Variants in CERS4 observed in about 807,000 individuals in gnomAD.
CERS4 encodes ceramide synthase 4, also known as LAG1 homolog, ceramide synthase 4.
Under a neutral mutation model 51.8 loss-of-function variants are expected in CERS4, and 65 were observed. The ratio of observed to expected loss-of-function variants is 1.26; its 90% CI spans 1.03 to 1.54. CERS4 has a LOEUF of 1.54. Among genes scored for constraint, CERS4 ranks in the 40% most tolerant of loss-of-function variants. The probability of loss-of-function intolerance (pLI) is 0.00; values close to 1 mark genes in which losing one functional copy is unlikely to be tolerated. For synonymous variants in CERS4, 228 were observed against 208.4 expected (o/e 1.09, Z -0.81); for missense variants, 563 against 500.4 (o/e 1.13, Z -1.19).
chr19:8,256,844 C>T (rs946410777), intron 8 of CERS4, 105 bp from the exon 9 acceptor site: 1 of 1,592,226 alleles, frequency 6.3e-7, no homozygotes, highest in African/African-American at 1.3e-5. Flanking sequence ...GCCATGGGCC[C>T]AGAGGCCACA....
Position 8,256,298 on chromosome 19 carries a change from AGTGT to A in CERS4, c.519+18_519+21del. 6.2e-7 allele frequency: 1 copy of A among 1,611,532 alleles called. No homozygotes were observed. Among genetic ancestry groups the A allele is most frequent in the Non-Finnish European group, 8.5e-7 (1 of 1,178,794 alleles). On this transcript the variant is annotated intron_variant, in intron 7 of 11. Coordinates refer to ENST00000251363, the MANE Select transcript of CERS4 (RefSeq NM_024552.3). ...GGTACCCAAACCAGGTGAGTGGCAG[AGTGT>A]GTGTGAATGCTTGGAGGGTGAGGGC...
At chr19:8,219,547 T>C (rs1238429370) in intron 2 of CERS4, among the ~76,000 whole-genome samples, 1 of 152,158 alleles carries the variant, frequency 6.6e-6, no homozygotes, top group Non-Finnish European at 1.5e-5. Flanking sequence ...CTGGGCACAG[T>C]GGCTTATGCC....
intron 2 of CERS4, among the ~76,000 whole-genome samples, chr19:8,211,617 C>T (rs1462029218): frequency 2.0e-5 from 3 of 152,124 alleles, no homozygotes; most frequent in Non-Finnish European, 2.9e-5. Context: ...AGGGGCTGGG[C>T]GTGGTGGCTC....
At chr19:8,245,117 A>ACAAAACAAAACAAAC (rs1260338046) in intron 2 of CERS4, among the ~76,000 whole-genome samples, 16,983 of 143,076 alleles carry the variant, frequency 0.12, 1,482 homozygotes, top group Non-Finnish European at 0.16. Flanking sequence ...ATCTCAAAAA[A>ACAAAACAAAACAAAC]AAAAAAAAAA....
intron 2 of CERS4, among the ~76,000 whole-genome samples, chr19:8,220,438 G>A (rs886859866): frequency 3.9e-5 from 6 of 152,228 alleles, no homozygotes; most frequent in Admixed American, 3.9e-4. Flanking sequence ...CTGAGCAGCT[G>A]GGATTACAGG....
chr19:8,255,065 T>A (rs1279707662), intron 4 of CERS4, among the ~76,000 whole-genome samples: 1 of 152,092 alleles, frequency 6.6e-6, no homozygotes, highest in Non-Finnish European at 1.5e-5. Context: ...CCTGTGACCC[T>A]CCCTCCATTC....
rs918186126 is a variant in CERS4 at position 8,262,082 on chromosome 19, G to A, written c.1158G>A (p.Leu386=). The A allele has an allele frequency of 1.3e-6, 2 of 1,514,072 alleles. No individual in the cohort carries two copies. Among genetic ancestry groups the A allele is most frequent in the African/African-American group, 1.4e-5 (1 of 71,644 alleles). The allele number at this position is 1,514,072 out of a possible 1,614,324, so 93.8% of individuals were successfully genotyped here. ...DGPRSRVAGR[L]TNRHTTAT ...CTCGGAGCCGGGTGGCCGGGCGTCT[G>A]ACCAACAGGCACACAACAGCCACAT... is the stretch of plus-strand genomic sequence containing the variant. Residue 386 remains leucine (L), a synonymous_variant, in exon 12 of 12, where the codon CTG becomes CTA. Coordinates refer to ENST00000251363, the MANE Select transcript of CERS4 (RefSeq NM_024552.3).
chr19:8,221,739 T>C (rs1408610317), intron 2 of CERS4, among the ~76,000 whole-genome samples: 2 of 151,408 alleles, frequency 1.3e-5, no homozygotes, highest in African/African-American at 4.9e-5. Flanking sequence ...TTCACCATGC[T>C]GAGGTCGAAC....
Position 8,262,057 on chromosome 19 carries a change from C to T in CERS4, c.1133C>T (p.Pro378Leu), listed in dbSNP as rs1969737583. The T allele has an allele frequency of 1.3e-6, 2 of 1,538,004 alleles. No homozygotes were observed. Among genetic ancestry groups the T allele is most frequent in the Non-Finnish European group, 1.7e-6 (2 of 1,146,102 alleles). The change falls in exon 12 of 12, where the codon CCT (proline) becomes CTT (leucine). Residue 378 changes from proline (P) to leucine (L), a missense_variant. Physicochemically the swap from Pro to Leu is moderately conservative, Grantham distance 98. Coordinates refer to ENST00000251363, the MANE Select transcript of CERS4 (RefSeq NM_024552.3). ...CCCAGGCCAGCCCCCACTGATGGCCCTCGGAGCCGGGTGGCCGGGCGTCTG... is the reference window on the plus strand; with the variant it reads ...CCCAGGCCAGCCCCCACTGATGGCCTTCGGAGCCGGGTGGCCGGGCGTCTG... Reference protein sequence around the residue: ...GGPRPAPTDGPRSRVAGRLTN... With the variant: ...GGPRPAPTDGLRSRVAGRLTN...
intron 2 of CERS4, among the ~76,000 whole-genome samples, chr19:8,240,783 C>G (rs927536320): frequency 1.3e-5 from 2 of 152,120 alleles, no homozygotes; most frequent in African/African-American, 4.8e-5. Flanking sequence ...TCGGGGAAGC[C>G]GTGGGAACCA....
At chr19:8,238,170 G>A (rs2145234438) in intron 2 of CERS4, among the ~76,000 whole-genome samples, 1 of 152,070 alleles carries the variant, frequency 6.6e-6, no homozygotes, top group South Asian at 2.1e-4. Context: ...GGGATGCTGG[G>A]GGCCCCTGGA....
intron 9 of CERS4, among the ~76,000 whole-genome samples, chr19:8,257,440 ATT>A (rs34718857): frequency 3.3e-5 from 5 of 150,638 alleles, no homozygotes; most frequent in African/African-American, 7.3e-5. Context: ...ATGTATTCAC[ATT>A]TTTTTTTTTG....
chr19:8,255,094 C>A (rs1048938610), intron 4 of CERS4, among the ~76,000 whole-genome samples: 2 of 152,148 alleles, frequency 1.3e-5, no homozygotes, highest in African/African-American at 4.8e-5. Flanking sequence ...GGTGTGGCTG[C>A]CCGCTGGACA....
chr19:8,216,107 C>A (rs141828554), intron 2 of CERS4, among the ~76,000 whole-genome samples: 2 of 152,036 alleles, frequency 1.3e-5, no homozygotes, highest in Admixed American at 6.6e-5. Flanking sequence ...TGCCAGGCAC[C>A]GTGGCTCACA....
At position 8,241,690 on chromosome 19, in the gene CERS4, A is replaced by G. The variant is rs113108566; in HGVS notation, c.-1-9386A>G. Among the ~76,000 whole-genome samples, 9 of 152,286 alleles carry G rather than the reference A, an allele frequency of 5.9e-5. 1 individual carries two copies. Among genetic ancestry groups the G allele is most frequent in the African/African-American group, 2.2e-4 (9 of 41,550 alleles). ...CTATTGTTTGTTCCATTTTACAGATAAAACTGAGGCACAGATAGGCCACGT... is the reference window on the plus strand; with the variant it reads ...CTATTGTTTGTTCCATTTTACAGATGAAACTGAGGCACAGATAGGCCACGT... On this transcript the variant is annotated intron_variant, in intron 2 of 11. Transcript: ENST00000251363.
At chr19:8,256,140 C>G (rs1035609748) in intron 6 of CERS4, 96 bp from the exon 7 acceptor site, 1 of 1,310,204 alleles carries the variant, frequency 7.6e-7, no homozygotes, top group Non-Finnish European at 1.1e-6. Context: ...AAGGTAGCAT[C>G]TATGTGACTG....
intron 3 of CERS4, among the ~76,000 whole-genome samples, chr19:8,252,541 C>T (rs939598588): frequency 3.3e-5 from 5 of 151,862 alleles, no homozygotes; most frequent in African/African-American, 7.3e-5. Context: ...CAGGTTCAAG[C>T]GACTCTCCTA....
chr19:8,246,899 C>T (rs1968812719), intron 2 of CERS4, among the ~76,000 whole-genome samples: 1 of 152,150 alleles, frequency 6.6e-6, no homozygotes, highest in African/African-American at 2.4e-5. Context: ...GGCGCGGTGG[C>T]TCATGCCTAT....
chr19:8,262,272 C>A lies in CERS4; in HGVS notation c.*163C>A. Reference sequence around the variant, plus strand: ...CTGTCTCCAGCCCCTTCCTTCTGCCCACCCACCCTTCTTCCCTCTGGGCAA... The same window carrying A: ...CTGTCTCCAGCCCCTTCCTTCTGCCAACCCACCCTTCTTCCCTCTGGGCAA... On this transcript the variant is annotated 3_prime_UTR_variant, in exon 12 of 12. Transcript: ENST00000251363. 1.4e-6 allele frequency: 1 copy of A among 702,168 alleles called. No individual in the cohort carries two copies. The highest frequency in any genetic ancestry group is 2.1e-6 in the Non-Finnish European group (1 of 480,874). 43.5% of individuals were successfully genotyped at this position (702,168 alleles called of 1,614,324 possible). A position where few individuals can be genotyped will look rare whatever the true frequency, so the allele number is the denominator to read the frequency against.
Sources: gnomAD v4.1 joint callset for allele counts (sites outside exome capture counted in the v4.1 genomes callset) on GRCh38, gnomAD v4.1.1 for gene constraint, MANE v1.5 for transcripts, NCBI Gene and HGNC (gene_info 2026-07-23, HGNC 2026-07-21) for gene names.